The following GLI2 variants were observed in gnomAD, a reference collection of about 807,000 sequenced individuals.
GLI2 encodes GLI family zinc finger 2.
Under a neutral mutation model 78.9 loss-of-function variants are expected in GLI2, and 22 were observed. The ratio of observed to expected loss-of-function variants is 0.28; its 90% CI spans 0.20 to 0.40. The LOEUF (loss-of-function observed/expected upper bound fraction) is 0.40, where lower values mean the gene tolerates loss of function less well. GLI2 is among the 10% of genes least tolerant of loss of function. The probability of loss-of-function intolerance (pLI) is 1.00; values close to 1 mark genes in which losing one functional copy is unlikely to be tolerated. For missense variants in GLI2, 2,097 were observed against 2,213.2 expected (o/e 0.95, Z 1.05); for synonymous variants, 974 against 963.7 (o/e 1.01, Z -0.20).
intron 2 of GLI2, among the ~76,000 whole-genome samples, chr2:120,847,477 G>A (rs1687174944): frequency 6.6e-6 from 1 of 152,116 alleles, no homozygotes; most frequent in Non-Finnish European, 1.5e-5. Context: ...TGCCTTCCAC[G>A]TCTCTTGAAG....
chr2:120,739,516 C>T (rs1682465393), intron 1 of GLI2, among the ~76,000 whole-genome samples: 1 of 152,214 alleles, frequency 6.6e-6, no homozygotes, highest in Admixed American at 6.5e-5. Flanking sequence ...CTGCATGGCT[C>T]TTGCGGCAGG....
rs200999705 is a variant in GLI2 at position 120,989,374 on chromosome 2, G to A, written c.3409G>A (p.Val1137Ile). 588 of 1,612,964 alleles carry A rather than the reference G, an allele frequency of 3.6e-4. 8 individuals are homozygous for A. In the South Asian group the frequency reaches 5.3e-3, roughly 14 times the overall value. The change falls in exon 14 of 14, where the codon GTA becomes ATA. Residue 1137 changes from valine to isoleucine, a missense_variant. Physicochemically the swap from Val to Ile is conservative, Grantham distance 29. Coordinates refer to ENST00000361492, the MANE Select transcript of GLI2 (RefSeq NM_001374353.1). Reference sequence around the variant, plus strand: ...GTGGAATGAGGTGAGCTCCGGCACCGTAGACGCCCTGGCCAGCCAGGTGAA... The same window carrying A: ...GTGGAATGAGGTGAGCTCCGGCACCATAGACGCCCTGGCCAGCCAGGTGAA... Reference protein sequence around the residue: ...VQWNEVSSGTVDALASQVKPP... With the variant: ...VQWNEVSSGTIDALASQVKPP...
At chr2:120,886,505 G>A (rs1197097474) in intron 2 of GLI2, among the ~76,000 whole-genome samples, 5 of 152,262 alleles carry the variant, frequency 3.3e-5, no homozygotes, top group Middle Eastern at 3.4e-3. Context: ...GGACTCAAGT[G>A]ATACTCCCAC....
intron 2 of GLI2, among the ~76,000 whole-genome samples, chr2:120,830,471 C>T (rs574541381): frequency 2.8e-4 from 42 of 152,310 alleles, no homozygotes; most frequent in African/African-American, 9.6e-4. Context: ...CTGGTGTGTA[C>T]GGAGAAGTGG....
chr2:120,760,194 T>C (rs1683171896), intron 1 of GLI2, among the ~76,000 whole-genome samples: 2 of 152,072 alleles, frequency 1.3e-5, no homozygotes, highest in Non-Finnish European at 2.9e-5. Context: ...CCTGTCTCTG[T>C]CTGATGAATG....
intron 2 of GLI2, among the ~76,000 whole-genome samples, chr2:120,902,185 A>ACCCCCCCCCCCCC (rs11358856): frequency 6.0e-5 from 7 of 116,284 alleles, no homozygotes; most frequent in South Asian, 3.0e-4. Context: ...ATTGACACCC[A>ACCCCCCCCCCCCC]CCCCCCCCCA....
chr2:120,902,988 G>A (rs1446155235), intron 2 of GLI2, among the ~76,000 whole-genome samples: 1 of 152,146 alleles, frequency 6.6e-6, no homozygotes, highest in African/African-American at 2.4e-5. Flanking sequence ...GGCAGGAGAG[G>A]GAAGTGAGAC....
chr2:120,947,116 C>T (rs1680746142), intron 3 of GLI2, among the ~76,000 whole-genome samples: 1 of 152,144 alleles, frequency 6.6e-6, no homozygotes, highest in African/African-American at 2.4e-5. Flanking sequence ...GGGGAGAAAG[C>T]TCTCCTGCCC....
Position 120,989,962 on chromosome 2 carries a change from G to A in GLI2, c.3997G>A (p.Gly1333Ser). The A allele has an allele frequency of 3.1e-6, 5 of 1,611,170 alleles. No individual in the cohort carries two copies. Among genetic ancestry groups the A allele is most frequent in the South Asian group, 1.1e-5 (1 of 90,744 alleles). The change falls in exon 14 of 14, where the codon GGC (glycine) becomes AGC (serine). Residue 1333 changes from glycine to serine, a missense_variant. Coordinates refer to ENST00000361492, the MANE Select transcript of GLI2 (RefSeq NM_001374353.1). Reference protein sequence around the residue: ...VPSLLPARQPGFMEPQTGPMG... With the variant: ...VPSLLPARQPSFMEPQTGPMG... ...CAGCCTTCTGCCTGCCCGCCAGCCT[G>A]GCTTCATGGAGCCCCAAACAGGCCC... is the stretch of plus-strand genomic sequence containing the variant.
intron 2 of GLI2, among the ~76,000 whole-genome samples, chr2:120,922,843 A>G (rs1310696704): frequency 6.6e-6 from 1 of 152,146 alleles, no homozygotes; most frequent in Admixed American, 6.5e-5. Flanking sequence ...GGAGAGCAGC[A>G]GAGCTGGTAA....
rs200619416 is a variant in GLI2, at chr2:120,984,695, C to T, written c.1857C>T (p.Ala619=). 4.9e-5 allele frequency: 79 copies of T among 1,613,610 alleles called. 2 individuals are homozygous for T. The African/African-American group carries it at 9.2e-4, about 19-fold the overall frequency. Residue 619 remains alanine, a synonymous_variant, in exon 12 of 14, where the codon GCC becomes GCT. Coordinates refer to ENST00000361492, the MANE Select transcript of GLI2 (RefSeq NM_001374353.1). The stretch of plus-strand genomic sequence containing the variant: ...CCGAGGCCAGCAGCACCAGCCAGGC[C>T]GTGGAGGACTGCCTGCACGTCAGAG... The part of the protein sequence containing the change: ...ESTEASSTSQ[A]VEDCLHVRAI...
intron 2 of GLI2, among the ~76,000 whole-genome samples, chr2:120,808,817 G>A (rs565164806): frequency 4.6e-5 from 7 of 152,252 alleles, no homozygotes; most frequent in South Asian, 2.1e-4. Context: ...TGTGGGCAGC[G>A]GGCTGCTGTT....
At chr2:120,959,866 G>T (rs1681459945) in intron 5 of GLI2, among the ~76,000 whole-genome samples, 1 of 152,204 alleles carries the variant, frequency 6.6e-6, no homozygotes, top group Admixed American at 6.5e-5. Context: ...CATCCCTGGC[G>T]CCAGCAGTGC....
intron 2 of GLI2, among the ~76,000 whole-genome samples, chr2:120,832,157 C>T (rs543078313): frequency 4.6e-5 from 7 of 152,286 alleles, no homozygotes; most frequent in South Asian, 4.1e-4. Flanking sequence ...GTCAGAGCCC[C>T]GGCCACTGAG....
At chr2:120,769,572 C>G (rs1683465498) in intron 1 of GLI2, among the ~76,000 whole-genome samples, 1 of 152,196 alleles carries the variant, frequency 6.6e-6, no homozygotes. Context: ...CTAGGTCCTT[C>G]TAGGAAATAA....
intron 1 of GLI2, among the ~76,000 whole-genome samples, chr2:120,785,127 C>T (rs918841370): frequency 6.6e-6 from 1 of 152,152 alleles, no homozygotes; most frequent in East Asian, 1.9e-4. Context: ...ATCCGGGTCC[C>T]AGACACCTGG....
At chr2:120,851,389 A>G (rs1687399469) in intron 2 of GLI2, among the ~76,000 whole-genome samples, 1 of 152,228 alleles carries the variant, frequency 6.6e-6, no homozygotes. Flanking sequence ...GGAAATACAC[A>G]AAAATGCAGC....
intron 2 of GLI2, among the ~76,000 whole-genome samples, chr2:120,902,185 A>AAC (rs1678293527): frequency 8.6e-6 from 1 of 116,286 alleles, no homozygotes; most frequent in Admixed American, 9.4e-5. Context: ...ATTGACACCC[A>AAC]CCCCCCCCCA....
At chr2:120,954,151 G>A (rs554472584) in intron 4 of GLI2, among the ~76,000 whole-genome samples, 1 of 152,178 alleles carries the variant, frequency 6.6e-6, no homozygotes, top group Non-Finnish European at 1.5e-5. Context: ...GTCTGAATTC[G>A]AGTCCTGTGT....
Sources: gnomAD v4.1 joint callset for allele counts (sites outside exome capture counted in the v4.1 genomes callset) on GRCh38, gnomAD v4.1.1 for gene constraint, MANE v1.5 for transcripts, NCBI Gene and HGNC (gene_info 2026-07-23, HGNC 2026-07-21) for gene names.